The following UBQLN1 variants were observed in gnomAD, a reference collection of about 807,000 sequenced individuals.
UBQLN1 encodes ubiquilin-1.
A neutral mutation model predicts 65.4 loss-of-function variants in UBQLN1; 13 were observed. The ratio of observed to expected loss-of-function variants is 0.20; its 90% CI spans 0.13 to 0.32. UBQLN1 has a LOEUF of 0.32. Among genes scored for constraint, UBQLN1 ranks in the 10% least tolerant of loss-of-function variants. The pLI, the probability that UBQLN1 is intolerant of heterozygous loss-of-function variation, is 1.00. For synonymous variants in UBQLN1, 267 were observed against 247.8 expected (o/e 1.08, Z -0.73); for missense variants, 561 against 724.0 (o/e 0.77, Z 2.58).
At chr9:83,682,892 C>T in intron 3 of UBQLN1, 59 bp downstream of exon 3, 1 of 878,060 alleles carries the variant, frequency 1.1e-6, no homozygotes, top group Non-Finnish European at 1.7e-6. Context: ...TCTGAAACTA[C>T]CCAGGAAGGG....
intron 6 of UBQLN1, among the ~76,000 whole-genome samples, chr9:83,673,787 G>A (rs1177998098): frequency 6.6e-6 from 1 of 152,030 alleles, no homozygotes; most frequent in Non-Finnish European, 1.5e-5. Flanking sequence ...CTATGGTACT[G>A]TCACTCCTTC....
At chr9:83,664,110 T>C (rs2781002) in intron 9 of UBQLN1, 67 bp from the exon 10 acceptor site, 543,138 of 1,517,758 alleles carry the variant, frequency 0.36, 101,084 homozygotes, top group Middle Eastern at 0.47. Flanking sequence ...CGTAAATCAG[T>C]TACATTTTAA....
At chr9:83,693,112 T>C (rs2131178251) in intron 1 of UBQLN1, among the ~76,000 whole-genome samples, 1 of 152,302 alleles carries the variant, frequency 6.6e-6, no homozygotes, top group South Asian at 2.1e-4. Flanking sequence ...GCCAGAGAAC[T>C]GAAAGCTGAG....
In UBQLN1 at chr9:83,666,463, C is replaced by T. The variant is rs776081346; in HGVS notation, c.1249-30G>A. The T allele has an allele frequency of 2.5e-6, 4 of 1,601,924 alleles. No individual in the cohort carries two copies. In the African/African-American group the frequency reaches 5.4e-5, roughly 21 times the overall value. ...GGGGCAAGTGTTCAAACAATTTTAACTGGAAATATCTGAAACAAGTAATGT... is the reference window on the plus strand; with the variant it reads ...GGGGCAAGTGTTCAAACAATTTTAATTGGAAATATCTGAAACAAGTAATGT... On this transcript the variant is annotated intron_variant, in intron 7 of 10. Coordinates refer to ENST00000376395, the MANE Select transcript of UBQLN1 (RefSeq NM_013438.5).
At chr9:83,666,279 G>C (rs1018819047) in intron 8 of UBQLN1, 71 bp downstream of exon 8, 3 of 1,473,866 alleles carry the variant, frequency 2.0e-6, no homozygotes, top group Admixed American at 1.7e-5. Context: ...GAAGAGCAAG[G>C]AAAAATGTTT....
intron 2 of UBQLN1, among the ~76,000 whole-genome samples, chr9:83,685,009 T>G (rs1832016439): frequency 6.6e-6 from 1 of 152,204 alleles, no homozygotes; most frequent in East Asian, 1.9e-4. Flanking sequence ...ACATGTAGTC[T>G]ACATGACTTC....
Position 83,694,098 on chromosome 9 carries a change from T to G in UBQLN1, c.181-7943A>C, listed in dbSNP as rs537029662. 8.5e-5 allele frequency among the ~76,000 whole-genome samples: 13 copies of G among 152,286 alleles called. No homozygotes were observed. The South Asian group carries it at 2.5e-3, about 29-fold the overall frequency. Reference sequence around the variant, plus strand: ...TTACAAACATTTCAAAATCCAAACATCCAAACTTGCTTTTAAACAACCATT... The same window carrying G: ...TTACAAACATTTCAAAATCCAAACAGCCAAACTTGCTTTTAAACAACCATT... On this transcript the variant is annotated intron_variant, in intron 1 of 10. Coordinates refer to ENST00000376395, the MANE Select transcript of UBQLN1 (RefSeq NM_013438.5).
At chr9:83,673,041 C>G (rs763814224) in intron 6 of UBQLN1, among the ~76,000 whole-genome samples, 42 of 152,130 alleles carry the variant, frequency 2.8e-4, no homozygotes, top group Non-Finnish European at 5.1e-4. Context: ...AGCAGCCTGG[C>G]CAACATGGCG....
Position 83,699,092 on chromosome 9 carries a change from G to T in UBQLN1, c.180+8408C>A, listed in dbSNP as rs78676275. On this transcript the variant is annotated intron_variant, in intron 1 of 10. Coordinates refer to ENST00000376395, the MANE Select transcript of UBQLN1 (RefSeq NM_013438.5). The stretch of plus-strand genomic sequence containing the variant: ...AGAAGAATGGTGGTTGCTAGAGGTG[G>T]GGGAATGGGGAAAATGGGGAGTTAC... Among the ~76,000 whole-genome samples the T allele has an allele frequency of 8.2e-3, 1,255 of 152,194 alleles. 34 individuals carry two copies. Among genetic ancestry groups the T allele is most frequent in the East Asian group, 0.045 (232 of 5,174 alleles).
intron 7 of UBQLN1, chr9:83,667,167 G>A (rs184818930): frequency 2.0e-5 from 3 of 152,164 alleles, no homozygotes; most frequent in Admixed American, 6.5e-5. Context: ...TCAAATAAAC[G>A]TTAAGAATTT....
At position 83,673,555 on chromosome 9, in the gene UBQLN1, A is replaced by C. The variant is rs548175319; in HGVS notation, c.1105+4172T>G. Among the ~76,000 whole-genome samples the C allele has an allele frequency of 9.2e-3, 708 of 77,074 alleles. 1 individual carries two copies. Among genetic ancestry groups the C allele is most frequent in the Middle Eastern group, 0.013 (2 of 150 alleles). The allele number at this position is 77,074 out of a possible 152,430, so 50.6% of individuals were successfully genotyped here. ...TCGAGACTCGGTCTTTTAAAAAAAA[A>C]AAAAAAAAAAAACAAAAAAAAAAAA... is the stretch of plus-strand genomic sequence containing the variant. On this transcript the variant is annotated intron_variant, in intron 6 of 10. Transcript: ENST00000376395.
Position 83,707,426 on chromosome 9 carries a change from A to G in UBQLN1, c.180+74T>C, listed in dbSNP as rs984932858. 10 of 1,482,904 alleles carry G rather than the reference A, an allele frequency of 6.7e-6. No individual in the cohort carries two copies. In the Admixed American group the frequency reaches 1.0e-4, roughly 15 times the overall value. The allele number at this position is 1,482,904 out of a possible 1,614,324, so 91.9% of individuals were successfully genotyped here. On this transcript the variant is annotated intron_variant, in intron 1 of 10. Transcript: ENST00000376395. ...GACGACCCCTCTCCCAGGCCCTTCC[A>G]AAAGGTCTCCTGGGGCGGCGGGCGG...
intron 1 of UBQLN1, among the ~76,000 whole-genome samples, chr9:83,702,713 A>G (rs1287749640): frequency 6.6e-6 from 1 of 152,194 alleles, no homozygotes; most frequent in Non-Finnish European, 1.5e-5. Flanking sequence ...TCACTTTTTA[A>G]GTACTTAACC....
intron 1 of UBQLN1, among the ~76,000 whole-genome samples, chr9:83,690,935 C>T (rs1001968099): frequency 6.6e-6 from 1 of 152,016 alleles, no homozygotes; most frequent in African/African-American, 2.4e-5. Flanking sequence ...GTCAGGAATT[C>T]GAGACTAGCC....
chr9:83,678,332 T>C, intron 5 of UBQLN1, 109 bp downstream of exon 5: 2 of 1,396,712 alleles, frequency 1.4e-6, no homozygotes, highest in Non-Finnish European at 1.9e-6. Context: ...CTGAACTTTT[T>C]AAAAATTGAA....
At chr9:83,685,676 G>A (rs1218157582) in intron 2 of UBQLN1, among the ~76,000 whole-genome samples, 1 of 150,966 alleles carries the variant, frequency 6.6e-6, no homozygotes, top group African/African-American at 2.4e-5. Flanking sequence ...TTCGTGGTTT[G>A]CTAAGGAGAT....
intron 1 of UBQLN1, among the ~76,000 whole-genome samples, chr9:83,705,303 C>G (rs929840699): frequency 7.1e-6 from 1 of 140,776 alleles, no homozygotes; most frequent in Non-Finnish European, 1.5e-5. Flanking sequence ...TGCAATGTCG[C>G]AATCTCGGCT....
At chr9:83,691,360 AGAGACAATTAAAACCT>A (rs1432334508) in intron 1 of UBQLN1, among the ~76,000 whole-genome samples, 1 of 152,178 alleles carries the variant, frequency 6.6e-6, no homozygotes, top group Non-Finnish European at 1.5e-5. Context: ...CGTATGTGGC[AGAGACAATTAAAACCT>A]GATATCCAAA....
chr9:83,678,378 T>C, intron 5 of UBQLN1, 63 bp downstream of exon 5: 11 of 1,530,022 alleles, frequency 7.2e-6, no homozygotes, highest in Non-Finnish European at 8.8e-6. Context: ...CCCTCAATCA[T>C]ACACATATTT....
Sources: allele counts gnomAD v4.1 joint callset (sites outside exome capture counted in the v4.1 genomes callset), GRCh38; gene constraint gnomAD v4.1.1; transcripts MANE v1.5; gene names NCBI Gene and HGNC (gene_info 2026-07-23, HGNC 2026-07-21).